GNG4: variants seen among roughly 807,000 people sequenced by gnomAD.
The protein encoded by GNG4 is guanine nucleotide-binding protein G(I)/G(S)/G(O) subunit gamma-4.
GNG4 carries 4 observed loss-of-function variants against 5.8 expected under a neutral mutation model. That is an observed-to-expected ratio of 0.69 (90% confidence interval 0.34 to 1.57). GNG4 has a LOEUF of 1.57. GNG4 is among the 40% of genes most tolerant of loss of function. The pLI, the probability that GNG4 is intolerant of heterozygous loss-of-function variation, is 0.06. For synonymous variants in GNG4, 29 were observed against 32.9 expected, an observed-to-expected ratio of 0.88 and a Z score of 0.41; for missense variants, 96 against 95.1, an observed-to-expected ratio of 1.01 and a Z score of -0.04.
At chr1:235,576,205 C>T (rs576828074) in intron 3 of GNG4, among the ~76,000 whole-genome samples, 4 of 148,378 alleles carry the variant, frequency 2.7e-5, no homozygotes, top group Non-Finnish European at 4.4e-5. Flanking sequence ...GGACTACAGG[C>T]GCGTGCCACC....
chr1:235,577,461 G>C (rs1309628483), intron 3 of GNG4, among the ~76,000 whole-genome samples: 2 of 151,320 alleles, frequency 1.3e-5, no homozygotes, highest in South Asian at 2.1e-4. Flanking sequence ...TTTCTTTTTA[G>C]GTAGAGTCTT....
chr1:235,577,418 C>G (rs1687512844), intron 3 of GNG4, among the ~76,000 whole-genome samples: 1 of 152,116 alleles, frequency 6.6e-6, no homozygotes, highest in Non-Finnish European at 1.5e-5. Context: ...TTTTCCTCTT[C>G]CTTGGAAAAT....
intron 2 of GNG4, among the ~76,000 whole-genome samples, chr1:235,588,645 C>G (rs968373609): frequency 6.6e-6 from 1 of 152,038 alleles, no homozygotes; most frequent in Admixed American, 6.5e-5. Context: ...CCAGCCTCTG[C>G]GAGGCCCTCA....
intron 3 of GNG4, among the ~76,000 whole-genome samples, chr1:235,569,813 G>A (rs546730239): frequency 1.1e-4 from 16 of 152,046 alleles, no homozygotes; most frequent in Non-Finnish European, 2.2e-4. Flanking sequence ...TGATCCGTCC[G>A]CCTCGGCCTC....
chr1:235,559,525 C>T (rs553959147), intron 3 of GNG4, among the ~76,000 whole-genome samples: 1 of 152,172 alleles, frequency 6.6e-6, no homozygotes, highest in East Asian at 1.9e-4. Context: ...TTCAGAGGAT[C>T]CCAGTAACTA....
intron 3 of GNG4, among the ~76,000 whole-genome samples, chr1:235,575,264 T>G (rs1413000520): frequency 6.6e-6 from 1 of 152,222 alleles, no homozygotes; most frequent in Non-Finnish European, 1.5e-5. Context: ...AGTATGCTCC[T>G]CCACTTCCCA....
intron 1 of GNG4, chr1:235,616,096 C>A (rs529715163): frequency 2.3e-6 from 1 of 438,270 alleles, no homozygotes; most frequent in East Asian, 6.9e-5. Flanking sequence ...TCCTGCTTAG[C>A]GCTAGGAGGA....
At position 235,649,174 on chromosome 1, in the gene GNG4, C is replaced by A. The variant is rs1021171137; in HGVS notation, c.-123+488G>T. ...GAGTGCTCCCGAGGCGGCGTCTGGG[C>A]TGCTGGGGAGCCAGGAGGGCTTCCT... On this transcript the variant is annotated intron_variant, in intron 1 of 3. Coordinates refer to ENST00000391854, the MANE Select transcript of GNG4 (RefSeq NM_001098722.2). The surrounding 1 kb of genome is among the most constrained non-coding windows in gnomAD (Gnocchi z 5.7). Among the ~76,000 whole-genome samples, 1 of 152,184 alleles carries A rather than the reference C, an allele frequency of 6.6e-6. No homozygotes were observed. The highest frequency in any genetic ancestry group is 2.4e-5 in the African/African-American group (1 of 41,454).
intron 3 of GNG4, among the ~76,000 whole-genome samples, chr1:235,570,538 A>G (rs574790106): frequency 1.3e-5 from 2 of 151,558 alleles, no homozygotes; most frequent in South Asian, 4.2e-4. Context: ...CTGGGATTAC[A>G]GGTGCCCGCC....
chr1:235,579,422 G>A (rs1410173712), intron 3 of GNG4, among the ~76,000 whole-genome samples: 1 of 121,482 alleles, frequency 8.2e-6, no homozygotes, highest in East Asian at 2.6e-4. Context: ...AAAAAAAAAA[G>A]TAAATACATT....
At chr1:235,631,973 A>G (rs2102983302) in intron 1 of GNG4, among the ~76,000 whole-genome samples, 1 of 152,362 alleles carries the variant, frequency 6.6e-6, no homozygotes, top group Non-Finnish European at 1.5e-5. Flanking sequence ...GCAGAGTTTA[A>G]GTGAAGCCTG....
intron 3 of GNG4, among the ~76,000 whole-genome samples, chr1:235,556,579 GAGAC>G (rs1198315560): frequency 6.0e-5 from 8 of 133,770 alleles, no homozygotes; most frequent in African/African-American, 1.1e-4. Context: ...AAAAAAAAAA[GAGAC>G]AGCCAGAATT....
chr1:235,558,147 C>T (rs114181658), intron 3 of GNG4, among the ~76,000 whole-genome samples: 293 of 152,248 alleles, frequency 1.9e-3, no homozygotes, highest in African/African-American at 6.5e-3. Context: ...GTATTACTGC[C>T]GATCAAGAAG....
At chr1:235,637,753 G>C (rs529935173) in intron 1 of GNG4, among the ~76,000 whole-genome samples, 1 of 152,106 alleles carries the variant, frequency 6.6e-6, no homozygotes, top group Non-Finnish European at 1.5e-5. Context: ...AGGATGCTGC[G>C]GGCACTTAAC....
At chr1:235,553,305 T>C (rs552217344) in intron 3 of GNG4, among the ~76,000 whole-genome samples, 83 of 152,308 alleles carry the variant, frequency 5.4e-4, no homozygotes, top group African/African-American at 1.9e-3. Flanking sequence ...GTCTGTGTCA[T>C]GTGCTTGGCA....
chr1:235,602,919 A>C (rs1688286149), intron 1 of GNG4, among the ~76,000 whole-genome samples: 1 of 152,134 alleles, frequency 6.6e-6, no homozygotes, highest in African/African-American at 2.4e-5. Flanking sequence ...TTCCCTCAAG[A>C]ATAGAGGTCA....
At chr1:235,624,294 A>G (rs1417937575) in intron 1 of GNG4, among the ~76,000 whole-genome samples, 3 of 150,938 alleles carry the variant, frequency 2.0e-5, no homozygotes, top group African/African-American at 4.9e-5. Context: ...TTTTTTTAGT[A>G]GAGATGGGGG....
At chr1:235,644,000 C>T (rs542857847) in intron 1 of GNG4, among the ~76,000 whole-genome samples, 2 of 152,256 alleles carry the variant, frequency 1.3e-5, no homozygotes, top group South Asian at 2.1e-4. Flanking sequence ...GCAGTGTTCA[C>T]GGAGCACACA....
At chr1:235,581,454 G>A (rs566955030) in intron 3 of GNG4, among the ~76,000 whole-genome samples, 11 of 151,452 alleles carry the variant, frequency 7.3e-5, no homozygotes, top group Admixed American at 1.3e-4. Flanking sequence ...GCGTGAACCC[G>A]GGAGGCGGAG....
Sources: allele counts gnomAD v4.1 joint callset (sites outside exome capture counted in the v4.1 genomes callset), GRCh38; gene constraint gnomAD v4.1.1; non-coding constraint Gnocchi (gnomAD v3.1); transcripts MANE v1.5; gene names NCBI Gene and HGNC (gene_info 2026-07-23, HGNC 2026-07-21).